Variants in ZBBX observed in about 807,000 individuals in gnomAD.
The protein encoded by ZBBX is zinc finger B-box domain-containing protein 1.
Under a neutral mutation model 108.5 loss-of-function variants are expected in ZBBX, and 101 were observed. The observed-to-expected ratio is 0.93, with a 90% CI of 0.79 to 1.10. ZBBX has a LOEUF of 1.10. ZBBX is among the 50% of genes least tolerant of loss of function. The pLI is 0.00. For missense variants in ZBBX, 1,009 were observed against 941.4 expected, an observed-to-expected ratio of 1.07 and a Z score of -0.94; for synonymous variants, 356 against 323.4, an observed-to-expected ratio of 1.10 and a Z score of -1.08.
chr3:167,330,868 G>GAAGAAGAAGAAGAAGAAGAAGAAGA (rs1553820652), intron 10 of ZBBX, among the ~76,000 whole-genome samples: 568 of 42,962 alleles, frequency 0.013, 13 homozygotes, highest in Middle Eastern at 0.058. Flanking sequence ...GGAGGAGGAG[G>GAAGAAGAAGAAGAAGAAGAAGAAGA]AGGAGAAGAA....
chr3:167,307,029 A>G (rs372930212), intron 16 of ZBBX, among the ~76,000 whole-genome samples: 1 of 152,142 alleles, frequency 6.6e-6, no homozygotes, highest in African/African-American at 2.4e-5. Flanking sequence ...ACCTCTCTCC[A>G]TAAGACACAC....
chr3:167,385,299 G>A (rs1270169923), upstream of ZBBX, among the ~76,000 whole-genome samples: 2 of 151,902 alleles, frequency 1.3e-5, no homozygotes, highest in Admixed American at 6.6e-5. Flanking sequence ...CAGTATTTGT[G>A]TATCTAAGCA....
chr3:167,191,922 T>TAGAGAGAGAGAG, the ZBBX span, among the ~76,000 whole-genome samples: 2 of 123,986 alleles, frequency 1.6e-5, no homozygotes, highest in African/African-American at 6.5e-5. Flanking sequence ...TATATATATA[T>TAGAGAGAGAGAG]ATATATATAT....
intron 8 of ZBBX, 129 bp from the exon 9 acceptor site, chr3:167,350,644 G>A (rs1408206751): frequency 1.8e-6 from 1 of 547,088 alleles, no homozygotes; most frequent in Non-Finnish European, 2.9e-6. Flanking sequence ...CATCAGAATT[G>A]AGAAGCCTGT....
the ZBBX span, among the ~76,000 whole-genome samples, chr3:167,222,596 A>C: frequency 6.6e-6 from 1 of 152,056 alleles, no homozygotes; most frequent in African/African-American, 2.4e-5. Flanking sequence ...AACACCGAGG[A>C]AGAAGAAATG....
chr3:167,237,472 T>C (rs1720277576), downstream of ZBBX, among the ~76,000 whole-genome samples: 1 of 151,878 alleles, frequency 6.6e-6, no homozygotes, highest in Non-Finnish European at 1.5e-5. Flanking sequence ...CTATTAGTAA[T>C]ATGGCTGAGG....
intron 20 of ZBBX, among the ~76,000 whole-genome samples, chr3:167,251,100 G>T (rs1722513933): frequency 6.6e-6 from 1 of 152,170 alleles, no homozygotes; most frequent in African/African-American, 2.4e-5. Flanking sequence ...CAGCAGGATG[G>T]GGTGGAGTTT....
intron 1 of ZBBX, 35 bp from the exon 2 acceptor site, chr3:167,379,827 GC>G (rs1466296301): frequency 2.0e-5 from 3 of 152,214 alleles, no homozygotes; most frequent in African/African-American, 7.2e-5. Context: ...TTCTCAGGGT[GC>G]CAAATTTTTC....
chr3:167,187,427 A>C, the ZBBX span, among the ~76,000 whole-genome samples: 1 of 152,206 alleles, frequency 6.6e-6, no homozygotes, highest in African/African-American at 2.4e-5. Context: ...TGCTAATGCC[A>C]GATAATAGCG....
the ZBBX span, among the ~76,000 whole-genome samples, chr3:167,194,684 C>T: frequency 3.0e-4 from 46 of 152,328 alleles, no homozygotes; most frequent in Non-Finnish European, 1.8e-4. Context: ...ACTGTCACCA[C>T]TAGTCCTCAT....
At chr3:167,285,727 A>C (rs1215453843) in intron 19 of ZBBX, among the ~76,000 whole-genome samples, 1 of 152,064 alleles carries the variant, frequency 6.6e-6, no homozygotes, top group African/African-American at 2.4e-5. Flanking sequence ...TCACCCTCTA[A>C]AACTGCCAGG....
At chr3:167,267,337 A>C (rs540322732) in intron 20 of ZBBX, among the ~76,000 whole-genome samples, 2 of 152,342 alleles carry the variant, frequency 1.3e-5, no homozygotes, top group South Asian at 4.1e-4. Flanking sequence ...GAGATTCCTC[A>C]TACAAGGGAA....
intron 20 of ZBBX, among the ~76,000 whole-genome samples, chr3:167,276,875 A>G (rs1445634805): frequency 2.0e-5 from 3 of 152,214 alleles, no homozygotes; most frequent in Admixed American, 6.5e-5. Flanking sequence ...AGGGAAGCCC[A>G]TCAGACTAAC....
chr3:167,330,864 G>C (rs1277383246), intron 10 of ZBBX, among the ~76,000 whole-genome samples: 2 of 81,810 alleles, frequency 2.4e-5, no homozygotes, highest in Admixed American at 2.5e-4. Flanking sequence ...AGGAGGAGGA[G>C]GAGGAGGAGA....
At chr3:167,312,747 T>G (rs1734805922) in intron 16 of ZBBX, among the ~76,000 whole-genome samples, 2 of 152,216 alleles carry the variant, frequency 1.3e-5, no homozygotes, top group African/African-American at 4.8e-5. Context: ...ATACTGTCCC[T>G]AAATTCCCAT....
chr3:167,402,049 G>A (rs1201408062), intron 1 of ZBBX, among the ~76,000 whole-genome samples: 2 of 152,090 alleles, frequency 1.3e-5, no homozygotes, highest in African/African-American at 4.8e-5. Context: ...TTTACTGGGT[G>A]GAAATGAAGC....
chr3:167,190,666 C>T, the ZBBX span, among the ~76,000 whole-genome samples: 1 of 152,258 alleles, frequency 6.6e-6, no homozygotes, highest in East Asian at 1.9e-4. Flanking sequence ...AGGCGTGAGC[C>T]ACCGCGTCCG....
chr3:167,345,842 G>A (rs1306611728), intron 9 of ZBBX, among the ~76,000 whole-genome samples: 1 of 151,868 alleles, frequency 6.6e-6, no homozygotes, highest in Non-Finnish European at 1.5e-5. Context: ...AACCAAAACT[G>A]CATGGAAATT....
chr3:167,319,330 G>A (rs868597008), intron 12 of ZBBX, among the ~76,000 whole-genome samples: 1 of 151,936 alleles, frequency 6.6e-6, no homozygotes, highest in South Asian at 2.1e-4. Context: ...CATTTGTAAG[G>A]GTGGACAACA....
Sources: gnomAD v4.1 joint callset for allele counts (sites outside exome capture counted in the v4.1 genomes callset) on GRCh38, gnomAD v4.1.1 for gene constraint, MANE v1.5 for transcripts, NCBI Gene and HGNC (gene_info 2026-07-23, HGNC 2026-07-21) for gene names.